NDNF: variants seen among roughly 807,000 people sequenced by gnomAD.
NDNF encodes protein NDNF.
A neutral mutation model predicts 42.0 loss-of-function variants in NDNF; 16 were observed. That is an observed-to-expected ratio of 0.38 (90% CI 0.26 to 0.58). NDNF has a LOEUF of 0.58. Among genes scored for constraint, NDNF ranks in the 20% least tolerant of loss-of-function variants. The probability of loss-of-function intolerance (pLI) is 0.67; values close to 1 mark genes in which losing one functional copy is unlikely to be tolerated. For synonymous variants in NDNF, 248 were observed against 251.7 expected, an observed-to-expected ratio of 0.99 and a Z score of 0.14; for missense variants, 616 against 666.2, an observed-to-expected ratio of 0.92 and a Z score of 0.83.
Position 121,072,112 on chromosome 4 carries a change from G to C in NDNF, c.-121C>G, listed in dbSNP as rs563506132. On this transcript the variant is annotated 5_prime_UTR_variant, in exon 1 of 4. Coordinates refer to ENST00000379692, the MANE Select transcript of NDNF (RefSeq NM_024574.4). ...ATGCTAAGCACCAATATCCAGGAAC[G>C]AGAAGCCTGGAGGGCGGGGACGGAG... is the stretch of plus-strand genomic sequence containing the variant. 6.6e-6 allele frequency: 1 copy of C among 152,376 alleles called. No individual in the cohort carries two copies. The highest frequency in any genetic ancestry group is 2.4e-5 in the African/African-American group (1 of 41,458). The allele number at this position is 152,376 out of a possible 1,614,324, so 9.4% of individuals were successfully genotyped here. A position where few individuals can be genotyped will look rare whatever the true frequency, so the allele number is the denominator to read the frequency against.
chr4:121,072,391 T>C lies in NDNF; in HGVS notation c.-400A>G, dbSNP rs1727624111. 1 of 151,120 alleles carries C rather than the reference T, an allele frequency of 6.6e-6. No individual in the cohort carries two copies. Among genetic ancestry groups the C allele is most frequent in the Non-Finnish European group, 1.5e-5 (1 of 67,712 alleles). The allele number at this position is 151,120 out of a possible 1,614,324, so 9.4% of individuals were successfully genotyped here. ...AGCGACCCGCGGGGCTGGCGCGGGC[T>C]TCGCCGGCCGCCGCTAGTCGCACAG... On this transcript the variant is annotated 5_prime_UTR_variant, in exon 1 of 4. Transcript: ENST00000379692.
intron 2 of NDNF, among the ~76,000 whole-genome samples, chr4:121,041,640 A>C (rs1172551017): frequency 6.6e-6 from 1 of 152,104 alleles, no homozygotes; most frequent in African/African-American, 2.4e-5. Context: ...TTTTTAGGAG[A>C]TTCCTCTTGC....
chr4:121,045,242 C>G (rs1425312686), intron 2 of NDNF, among the ~76,000 whole-genome samples: 3 of 152,028 alleles, frequency 2.0e-5, no homozygotes, highest in Middle Eastern at 3.4e-3. Context: ...GTCCCAGCTA[C>G]TCGGGAGGCT....
chr4:121,047,043 G>A (rs1192055996), intron 1 of NDNF, among the ~76,000 whole-genome samples: 1 of 152,138 alleles, frequency 6.6e-6, no homozygotes, highest in African/African-American at 2.4e-5. Context: ...GCAAATATTT[G>A]TGATAATTCA....
At chr4:121,043,401 G>T (rs1560604608) in intron 2 of NDNF, among the ~76,000 whole-genome samples, 1 of 152,116 alleles carries the variant, frequency 6.6e-6, no homozygotes, top group Non-Finnish European at 1.5e-5. Context: ...CCCTAGAAAT[G>T]AAGTTTCTAC....
At position 121,036,192 on chromosome 4, in the gene NDNF, A is replaced by C. The variant is rs1378969161; in HGVS notation, c.*72T>G. On this transcript the variant is annotated 3_prime_UTR_variant, in exon 4 of 4. Coordinates refer to ENST00000379692, the MANE Select transcript of NDNF (RefSeq NM_024574.4). ...CACAACTTCTCTCAACTGTGGGAGT[A>C]GTCAGTTTATACTTAAAGTGATTTA... 1.6e-6 allele frequency: 2 copies of C among 1,212,916 alleles called. No individual in the cohort carries two copies. Among genetic ancestry groups the C allele is most frequent in the African/African-American group, 3.0e-5 (2 of 65,684 alleles). The allele number at this position is 1,212,916 out of a possible 1,614,324, so 75.1% of individuals were successfully genotyped here.
At chr4:121,062,436 G>A (rs1421568507) in intron 1 of NDNF, among the ~76,000 whole-genome samples, 1 of 152,180 alleles carries the variant, frequency 6.6e-6, no homozygotes, top group Non-Finnish European at 1.5e-5. Context: ...CAGTTCCTGG[G>A]ATGTTCTGCA....
intron 3 of NDNF, among the ~76,000 whole-genome samples, chr4:121,039,167 A>ACGTATATATATACG (rs1553924236): frequency 1.8e-4 from 15 of 85,380 alleles, no homozygotes; most frequent in Non-Finnish European, 3.0e-4. Flanking sequence ...GTATATATAT[A>ACGTATATATATACG]TATAAAGACT....
At chr4:121,038,296 G>A (rs1726914656) in intron 3 of NDNF, 1 of 151,484 alleles carries the variant, frequency 6.6e-6, no homozygotes, top group Admixed American at 6.6e-5. Context: ...AGGCTGCAGT[G>A]AGCTATGATT....
At chr4:121,070,302 T>G (rs1170671578) in intron 1 of NDNF, among the ~76,000 whole-genome samples, 1 of 152,218 alleles carries the variant, frequency 6.6e-6, no homozygotes, top group East Asian at 1.9e-4. Context: ...CATCCATCAC[T>G]TCTTTCAAGA....
At chr4:121,055,378 T>C (rs1727274676) in intron 1 of NDNF, among the ~76,000 whole-genome samples, 1 of 152,050 alleles carries the variant, frequency 6.6e-6, no homozygotes, top group Admixed American at 6.6e-5. Flanking sequence ...ATTGCCAGAA[T>C]GTGCTGGTAA....
intron 3 of NDNF, among the ~76,000 whole-genome samples, chr4:121,039,192 G>GTGTATA (rs1461716985): frequency 7.4e-4 from 16 of 21,542 alleles, no homozygotes; most frequent in Non-Finnish European, 1.2e-3. Context: ...GTGTGTGTGT[G>GTGTATA]TATATATATA....
At chr4:121,056,215 GGAATGTAGC>G (rs940898752) in intron 1 of NDNF, among the ~76,000 whole-genome samples, 3 of 152,126 alleles carry the variant, frequency 2.0e-5, no homozygotes. Context: ...GGAATAATCC[GGAATGTAGC>G]GAACTACACA....
chr4:121,050,019 A>T (rs2148766880), intron 1 of NDNF, among the ~76,000 whole-genome samples: 1 of 152,332 alleles, frequency 6.6e-6, no homozygotes, highest in Non-Finnish European at 1.5e-5. Context: ...CAATTTGGTC[A>T]GGTTACAGGC....
In NDNF at chr4:121,036,944, C is replaced by T. The variant is rs1273542298; in HGVS notation, c.1027G>A (p.Val343Ile). ...RTKEEAKQKT[V>I]ELKDGKITDV... The stretch of plus-strand genomic sequence containing the variant: ...GTTATCTTCCCATCTTTTAGCTCGA[C>T]TGTCTTCTGTTTGGCTTCTTCCTTG... The change falls in exon 4 of 4, where the codon GTC becomes ATC. Residue 343 changes from valine to isoleucine, a missense_variant. Transcript: ENST00000379692. 2 of 1,613,844 alleles carry T rather than the reference C, an allele frequency of 1.2e-6. No individual in the cohort carries two copies. Among genetic ancestry groups the T allele is most frequent in the African/African-American group, 2.7e-5 (2 of 74,890 alleles).
chr4:121,062,265 T>A (rs1335459513), intron 1 of NDNF, among the ~76,000 whole-genome samples: 3 of 152,266 alleles, frequency 2.0e-5, no homozygotes, highest in Non-Finnish European at 4.4e-5. Context: ...ATATGCTTTT[T>A]GTTATCCTTC....
At chr4:121,047,697 G>GT (rs1314369134) in intron 1 of NDNF, among the ~76,000 whole-genome samples, 3 of 152,190 alleles carry the variant, frequency 2.0e-5, no homozygotes, top group African/African-American at 4.8e-5. Flanking sequence ...CCGGACCTCA[G>GT]TTTTTTGAAG....
At position 121,036,735 on chromosome 4, in the gene NDNF, T is replaced by A; in HGVS notation, c.1236A>T (p.Lys412Asn). 1 of 1,614,102 alleles carries A rather than the reference T, an allele frequency of 6.2e-7. No homozygotes were observed. The highest frequency in any genetic ancestry group is 1.3e-5 in the African/African-American group (1 of 75,012). Residue 412 changes from lysine to asparagine, a missense_variant, in exon 4 of 4, where the codon AAA becomes AAT. By Grantham distance (94) the Lys-to-Asn change is moderately conservative. Coordinates refer to ENST00000379692, the MANE Select transcript of NDNF (RefSeq NM_024574.4). ...GTCGAACGAGGTATTTAGCTTTAGG[T>A]TTTCCTCTAAGCTGAAACTGCTGAA... ...EGIQQFQLRG[K>N]PKAKYLVRLK...
chr4:121,071,517 T>C (rs547461159), intron 1 of NDNF: 4 of 151,790 alleles, frequency 2.6e-5, no homozygotes, highest in African/African-American at 7.3e-5. Flanking sequence ...AGACTTTCCC[T>C]AGCGGCGGGC....
Sources: allele counts gnomAD v4.1 joint callset (sites outside exome capture counted in the v4.1 genomes callset), GRCh38; gene constraint gnomAD v4.1.1; transcripts MANE v1.5; gene names NCBI Gene and HGNC (gene_info 2026-07-23, HGNC 2026-07-21).